The following GPR137B variants were observed in gnomAD, a reference collection of about 807,000 sequenced individuals.
GPR137B encodes the protein integral membrane protein GPR137B.
A neutral mutation model predicts 42.5 loss-of-function variants in GPR137B; 42 were observed. The observed-to-expected ratio is 0.99, with a 90% confidence interval of 0.77 to 1.28. The LOEUF (loss-of-function observed/expected upper bound fraction) is 1.28, where lower values mean the gene tolerates loss of function less well. Among genes scored for constraint, GPR137B ranks in the 50% most tolerant of loss-of-function variants. GPR137B has a pLI of 0.00. For missense variants in GPR137B, 487 were observed against 493.9 expected (o/e 0.99, Z 0.13); for synonymous variants, 218 against 209.7 (o/e 1.04, Z -0.34).
At chr1:236,200,645 A>G (rs939125690) in intron 5 of GPR137B, among the ~76,000 whole-genome samples, 4 of 152,000 alleles carry the variant, frequency 2.6e-5, no homozygotes, top group African/African-American at 9.7e-5. Flanking sequence ...ATTTTGTCTG[A>G]TAAAAGAATA....
chr1:236,178,120 G>A (rs993718388), intron 2 of GPR137B, among the ~76,000 whole-genome samples: 25 of 152,070 alleles, frequency 1.6e-4, no homozygotes, highest in African/African-American at 5.6e-4. Context: ...TCCACTCTTC[G>A]CTGTGAGTAG....
At chr1:236,162,553 C>T (rs1558482424) in intron 1 of GPR137B, among the ~76,000 whole-genome samples, 1 of 152,126 alleles carries the variant, frequency 6.6e-6, no homozygotes, top group Non-Finnish European at 1.5e-5. Context: ...GCCTTAAGTC[C>T]CTTTTGTGGG....
chr1:236,179,793 A>G, intron 3 of GPR137B, 86 bp from the exon 4 acceptor site: 1 of 989,504 alleles, frequency 1.0e-6, no homozygotes, highest in Non-Finnish European at 1.5e-6. Context: ...AAAGGGCTTT[A>G]CCAGACTGAT....
chr1:236,142,850 C>G lies in GPR137B; in HGVS notation c.228C>G (p.Ser76Arg), dbSNP rs1238033860. Residue 76 changes from serine (S) to arginine (R), a missense_variant, in exon 1 of 7, where the codon AGC becomes AGG. Physicochemically the swap from Ser to Arg is moderately radical, Grantham distance 110. Transcript: ENST00000366592. ...TGCGTTACCGCCACAAGCGGCTCAGCTACCAGAGCGTCTTCCTCTTTCTCT... is the reference window on the plus strand; with the variant it reads ...TGCGTTACCGCCACAAGCGGCTCAGGTACCAGAGCGTCTTCCTCTTTCTCT... ...LVLRYRHKRL[S>R]YQSVFLFLCL... The G allele has an allele frequency of 1.2e-6, 2 of 1,614,032 alleles. No individual in the cohort carries two copies. Among genetic ancestry groups the G allele is most frequent in the Non-Finnish European group, 1.7e-6 (2 of 1,179,958 alleles).
chr1:236,191,433 G>A (rs566319823), intron 5 of GPR137B, among the ~76,000 whole-genome samples: 1 of 152,242 alleles, frequency 6.6e-6, no homozygotes, highest in African/African-American at 2.4e-5. Flanking sequence ...TCTGGTTTTT[G>A]GAATTTTCAG....
intron 6 of GPR137B, among the ~76,000 whole-genome samples, chr1:236,207,661 T>C (rs1239241050): frequency 1.3e-5 from 2 of 152,254 alleles, no homozygotes; most frequent in African/African-American, 4.8e-5. Context: ...CACGACGTAG[T>C]TACTAATATT....
chr1:236,191,343 C>T (rs993057703), intron 5 of GPR137B, among the ~76,000 whole-genome samples: 1 of 152,162 alleles, frequency 6.6e-6, no homozygotes, highest in Admixed American at 6.5e-5. Context: ...GTACTTCTGT[C>T]AGTTCATCAA....
intron 2 of GPR137B, among the ~76,000 whole-genome samples, chr1:236,176,475 C>G (rs1329175523): frequency 6.6e-6 from 1 of 152,110 alleles, no homozygotes; most frequent in African/African-American, 2.4e-5. Context: ...CACCTTCCTG[C>G]CCCCTGAGCT....
chr1:236,203,286 C>T (rs1663552315), intron 5 of GPR137B, among the ~76,000 whole-genome samples: 1 of 152,040 alleles, frequency 6.6e-6, no homozygotes, highest in East Asian at 1.9e-4. Flanking sequence ...ACTGTGTTAG[C>T]CAGGATGGTC....
rs1049331591 is a variant in GPR137B, at chr1:236,155,194, G to A, written c.414+12158G>A. On this transcript the variant is annotated intron_variant, in intron 1 of 6. Transcript: ENST00000366592. The surrounding 1 kb of genome is among the most constrained non-coding windows in gnomAD (Gnocchi z 4.6). ...GTGCGCTTCTGTGGCTGAAGCGGCC[G>A]GGCCGCAGCTATTCCTGCGGGGCTT... Among the ~76,000 whole-genome samples, 17 of 152,360 alleles carry A rather than the reference G, an allele frequency of 1.1e-4. No individual in the cohort carries two copies. Among genetic ancestry groups the A allele is most frequent in the East Asian group, 1.9e-4 (1 of 5,188 alleles).
At chr1:236,204,158 T>C (rs1285723508) in intron 5 of GPR137B, among the ~76,000 whole-genome samples, 1 of 152,236 alleles carries the variant, frequency 6.6e-6, no homozygotes, top group Non-Finnish European at 1.5e-5. Flanking sequence ...TTAGCATCAA[T>C]TGAGATGATC....
chr1:236,162,205 GCATTTTA>G (rs1662222880), intron 1 of GPR137B, among the ~76,000 whole-genome samples: 1 of 152,204 alleles, frequency 6.6e-6, no homozygotes, highest in Non-Finnish European at 1.5e-5. Flanking sequence ...GAGATTGGTG[GCATTTTA>G]CCCTTGCCCT....
intron 4 of GPR137B, among the ~76,000 whole-genome samples, chr1:236,182,607 G>A (rs1030044960): frequency 2.0e-5 from 3 of 151,980 alleles, no homozygotes; most frequent in Non-Finnish European, 4.4e-5. Flanking sequence ...AATAACCCAG[G>A]CATGTTGGCA....
At chr1:236,144,503 T>G (rs1436318114) in intron 1 of GPR137B, among the ~76,000 whole-genome samples, 1 of 152,258 alleles carries the variant, frequency 6.6e-6, no homozygotes. Context: ...ATGGAAGAAG[T>G]ACTTTTGGCT....
intron 1 of GPR137B, among the ~76,000 whole-genome samples, chr1:236,159,156 AC>A (rs1322244714): frequency 6.6e-6 from 1 of 151,904 alleles, no homozygotes; most frequent in Non-Finnish European, 1.5e-5. Context: ...AAAAAATAAG[AC>A]AAATTAGCCA....
At chr1:236,174,957 G>A (rs1276944510) in intron 2 of GPR137B, among the ~76,000 whole-genome samples, 4 of 152,178 alleles carry the variant, frequency 2.6e-5, no homozygotes, top group Non-Finnish European at 1.5e-5. Context: ...TCAAAGGCAT[G>A]GCTTGAGACG....
At chr1:236,152,110 T>G (rs2102892000) in intron 1 of GPR137B, among the ~76,000 whole-genome samples, 1 of 152,156 alleles carries the variant, frequency 6.6e-6, no homozygotes, top group African/African-American at 2.4e-5. Context: ...AACATAAAGT[T>G]CAACTGGAAC....
At chr1:236,146,573 A>G (rs1054355312) in intron 1 of GPR137B, among the ~76,000 whole-genome samples, 15 of 152,142 alleles carry the variant, frequency 9.9e-5, no homozygotes, top group African/African-American at 9.7e-5. Context: ...TTACCCCCCA[A>G]CTGAGGCTCG....
intron 1 of GPR137B, among the ~76,000 whole-genome samples, chr1:236,152,088 CT>C (rs1300138463): frequency 1.3e-5 from 2 of 152,248 alleles, no homozygotes; most frequent in Non-Finnish European, 2.9e-5. Flanking sequence ...GTCCTCCCAG[CT>C]TTCACAAAGC....
Sources: gnomAD v4.1 joint callset for allele counts (sites outside exome capture counted in the v4.1 genomes callset) on GRCh38, gnomAD v4.1.1 for gene constraint, Gnocchi (gnomAD v3.1) non-coding constraint, MANE v1.5 for transcripts, NCBI Gene and HGNC (gene_info 2026-07-23, HGNC 2026-07-21) for gene names.